Variants in RSPO2 observed in about 807,000 individuals in gnomAD.
RSPO2 encodes R-spondin 2.
In RSPO2, 14 loss-of-function variants were observed where a neutral mutation model predicts 30.9. That is an observed-to-expected ratio of 0.45 (90% CI 0.30 to 0.71). The LOEUF is 0.71. Among genes scored for constraint, RSPO2 ranks in the 30% least tolerant of loss-of-function variants. RSPO2 has a pLI of 0.08. For missense variants in RSPO2, 264 were observed against 301.9 expected (o/e 0.87, Z 0.93); for synonymous variants, 107 against 96.4 (o/e 1.11, Z -0.64).
At chr8:107,935,849 C>A (rs1421567486) in intron 5 of RSPO2, among the ~76,000 whole-genome samples, 1 of 152,062 alleles carries the variant, frequency 6.6e-6, no homozygotes, top group African/African-American at 2.4e-5. Flanking sequence ...TTTTACCTAT[C>A]TATGGGTACA....
At chr8:107,959,219 G>C (rs1813541021) in intron 4 of RSPO2, among the ~76,000 whole-genome samples, 1 of 152,170 alleles carries the variant, frequency 6.6e-6, no homozygotes, top group African/African-American at 2.4e-5. Flanking sequence ...GGTTTCTGGA[G>C]ACCACAGTTC....
Position 107,984,835 on chromosome 8 carries a change from G to C in RSPO2, c.283+4221C>G, listed in dbSNP as rs199742257. On this transcript the variant is annotated intron_variant, in intron 3 of 5. Transcript: ENST00000276659. ...GTTTACAAGTCAGGATGGTAGTTAT[G>C]CCAAAGGAGAAGACAGTAGTGAATG... 3.9e-5 allele frequency among the ~76,000 whole-genome samples: 6 copies of C among 152,282 alleles called. No individual in the cohort carries two copies. The East Asian group carries it at 1.2e-3, about 29-fold the overall frequency.
chr8:107,935,894 G>A (rs756451101), intron 5 of RSPO2, among the ~76,000 whole-genome samples: 1 of 152,092 alleles, frequency 6.6e-6, no homozygotes, highest in Non-Finnish European at 1.5e-5. Context: ...ACTGTGTAAT[G>A]ATCAATTCAG....
intron 5 of RSPO2, among the ~76,000 whole-genome samples, chr8:107,938,424 C>G (rs758560093): frequency 3.9e-5 from 6 of 152,098 alleles, no homozygotes; most frequent in Non-Finnish European, 5.9e-5. Flanking sequence ...AATATACATT[C>G]TCTCTGCTCA....
At chr8:108,028,208 C>T (rs1018204633) in intron 2 of RSPO2, among the ~76,000 whole-genome samples, 3 of 152,148 alleles carry the variant, frequency 2.0e-5, no homozygotes, top group Admixed American at 6.5e-5. Flanking sequence ...TCTTGACCCC[C>T]CTAAACTGCT....
chr8:108,002,530 C>CTTT (rs1815285726), intron 2 of RSPO2, among the ~76,000 whole-genome samples: 1 of 152,170 alleles, frequency 6.6e-6, no homozygotes, highest in South Asian at 2.1e-4. Context: ...AGGATGGACT[C>CTTT]TATTTAATGT....
intron 3 of RSPO2, among the ~76,000 whole-genome samples, chr8:107,976,632 G>A (rs1563547039): frequency 6.6e-6 from 1 of 152,134 alleles, no homozygotes; most frequent in Non-Finnish European, 1.5e-5. Flanking sequence ...TTTTAGACAT[G>A]AGGACACTGG....
At chr8:108,061,959 C>T (rs1334957047) in intron 2 of RSPO2, among the ~76,000 whole-genome samples, 1 of 151,820 alleles carries the variant, frequency 6.6e-6, no homozygotes, top group East Asian at 1.9e-4. Context: ...GAAATGAAGG[C>T]AGAAATAAAG....
chr8:108,049,430 A>G, intron 2 of RSPO2, among the ~76,000 whole-genome samples: 1 of 151,714 alleles, frequency 6.6e-6, no homozygotes, highest in African/African-American at 2.4e-5. Flanking sequence ...ATACATGTGC[A>G]GAACATGCAG....
intron 5 of RSPO2, among the ~76,000 whole-genome samples, chr8:107,916,282 A>C (rs544304811): frequency 6.6e-6 from 1 of 152,246 alleles, no homozygotes; most frequent in Non-Finnish European, 1.5e-5. Context: ...AAAATTGTTC[A>C]ATATACCTAC....
chr8:107,979,468 G>A (rs1814343466), intron 3 of RSPO2, among the ~76,000 whole-genome samples: 1 of 152,076 alleles, frequency 6.6e-6, no homozygotes, highest in Admixed American at 6.6e-5. Flanking sequence ...ACTCATAGGT[G>A]GGAATTGAAC....
chr8:108,013,957 A>G (rs1810787515), intron 2 of RSPO2, among the ~76,000 whole-genome samples: 2 of 152,230 alleles, frequency 1.3e-5, no homozygotes, highest in Non-Finnish European at 2.9e-5. Context: ...TCCATCTGAC[A>G]AAGGGCTAAT....
At chr8:107,998,506 A>T (rs1022203347) in intron 2 of RSPO2, among the ~76,000 whole-genome samples, 1 of 152,226 alleles carries the variant, frequency 6.6e-6, no homozygotes, top group African/African-American at 2.4e-5. Flanking sequence ...TATCAAACCC[A>T]GTAGTCCGAT....
At chr8:107,923,714 T>C (rs1352968769) in intron 5 of RSPO2, among the ~76,000 whole-genome samples, 2 of 152,082 alleles carry the variant, frequency 1.3e-5, no homozygotes, top group African/African-American at 2.4e-5. Flanking sequence ...GTAGTACATA[T>C]ATACCATGGA....
chr8:107,930,019 T>C (rs947223361), intron 5 of RSPO2, among the ~76,000 whole-genome samples: 12 of 152,220 alleles, frequency 7.9e-5, no homozygotes, highest in Non-Finnish European at 1.5e-4. Flanking sequence ...ACCACTTCTC[T>C]AGATCAGTAC....
intron 2 of RSPO2, among the ~76,000 whole-genome samples, chr8:108,032,592 G>GAGAACCAACT (rs1811458377): frequency 6.6e-6 from 1 of 151,926 alleles, no homozygotes; most frequent in Admixed American, 6.6e-5. Context: ...CCAACCTACT[G>GAGAACCAACT]TCTCTTTTCA....
intron 3 of RSPO2, among the ~76,000 whole-genome samples, chr8:107,979,722 T>C (rs1814357188): frequency 6.6e-6 from 1 of 151,554 alleles, no homozygotes; most frequent in Non-Finnish European, 1.5e-5. Flanking sequence ...GTCTCTTCCC[T>C]CTCTTACCCT....
intron 3 of RSPO2, among the ~76,000 whole-genome samples, chr8:107,969,199 T>C (rs1190209597): frequency 1.3e-5 from 2 of 152,136 alleles, no homozygotes; most frequent in Non-Finnish European, 2.9e-5. Context: ...TGACGTAGGC[T>C]GTGATTTAAA....
intron 2 of RSPO2, among the ~76,000 whole-genome samples, chr8:108,062,445 G>T (rs1185350629): frequency 1.3e-5 from 2 of 151,798 alleles, no homozygotes. Flanking sequence ...AGAAGAAATG[G>T]ATAAACTCCT....
Sources: allele counts gnomAD v4.1 joint callset (sites outside exome capture counted in the v4.1 genomes callset), GRCh38; gene constraint gnomAD v4.1.1; transcripts MANE v1.5; gene names NCBI Gene and HGNC (gene_info 2026-07-23, HGNC 2026-07-21).